Variants in HIVEP1 observed in about 807,000 individuals in gnomAD.
The protein encoded by HIVEP1 is zinc finger protein 40.
A neutral mutation model predicts 180.0 loss-of-function variants in HIVEP1; 36 were observed. The observed-to-expected ratio is 0.20, with a 90% CI of 0.15 to 0.26. The LOEUF is 0.26. Ranked by LOEUF, HIVEP1 falls within the 10% of genes least tolerant of loss-of-function variation. The pLI is 1.00. For missense variants in HIVEP1, 3,143 were observed against 3,268.7 expected (o/e 0.96, Z 0.94); for synonymous variants, 1,239 against 1,239.0 (o/e 1.00, Z 0.00).
At position 12,121,349 on chromosome 6, in the gene HIVEP1, A is replaced by G. The variant is rs1757640519; in HGVS notation, c.1554A>G (p.Ile518Met). 3 of 1,614,140 alleles carry G rather than the reference A, an allele frequency of 1.9e-6. No individual in the cohort carries two copies. The African/African-American group carries it at 4.0e-5, about 22-fold the overall frequency. The change falls in exon 4 of 9, where the codon ATA (isoleucine) becomes ATG (methionine). Residue 518 changes from isoleucine (I) to methionine (M), a missense_variant. By Grantham distance (10) the Ile-to-Met change is conservative (BLOSUM62 1). Transcript: ENST00000379388. This position sits in a 1 kb window ranked among gnomAD's most constrained non-coding sequence, Gnocchi z 5.3. The part of the protein sequence containing the change: ...LGAMELQPVH[I>M]IKRMSNAETL... ...CCATGGAGCTGCAGCCTGTGCACAT[A>G]ATAAAGAGGATGTCAAATGCTGAAA...
At chr6:12,180,958 A>C in the HIVEP1 span, among the ~76,000 whole-genome samples, 1 of 152,362 alleles carries the variant, frequency 6.6e-6, no homozygotes, top group East Asian at 1.9e-4. Context: ...CAGTTTGGTC[A>C]GTTTCATAGG....
the HIVEP1 span, among the ~76,000 whole-genome samples, chr6:12,179,214 C>A: frequency 6.6e-6 from 1 of 151,954 alleles, no homozygotes; most frequent in African/African-American, 2.4e-5. Context: ...TGTTTTCTAC[C>A]CGAGTTGGGA....
intron 2 of HIVEP1, among the ~76,000 whole-genome samples, chr6:12,065,615 C>T (rs1297762725): frequency 1.3e-5 from 2 of 152,154 alleles, no homozygotes; most frequent in East Asian, 3.9e-4. Flanking sequence ...CTGTGTGCCA[C>T]TGTTTGCTCC....
At chr6:12,070,115 T>C (rs1178743708) in intron 2 of HIVEP1, among the ~76,000 whole-genome samples, 1 of 152,160 alleles carries the variant, frequency 6.6e-6, no homozygotes, top group African/African-American at 2.4e-5. Context: ...TCTTCTGGAA[T>C]CCCTCCTGAA....
At chr6:12,069,577 TG>T (rs1200842390) in intron 2 of HIVEP1, among the ~76,000 whole-genome samples, 3 of 75,762 alleles carry the variant, frequency 4.0e-5, no homozygotes, top group East Asian at 4.5e-4. Context: ...TGTTCTGGGG[TG>T]GGGGGAGGGG....
chr6:12,112,298 C>T (rs912213731), intron 3 of HIVEP1, among the ~76,000 whole-genome samples: 5 of 152,038 alleles, frequency 3.3e-5, no homozygotes, highest in Admixed American at 1.3e-4. Flanking sequence ...TTTTTCTACC[C>T]TCTGGCTGCT....
At chr6:12,195,410 G>T in the HIVEP1 span, among the ~76,000 whole-genome samples, 1 of 152,196 alleles carries the variant, frequency 6.6e-6, no homozygotes, top group African/African-American at 2.4e-5. Flanking sequence ...TAAGGATTCT[G>T]ACTTGTGTAG....
chr6:12,181,736 A>G, the HIVEP1 span, among the ~76,000 whole-genome samples: 2 of 152,232 alleles, frequency 1.3e-5, no homozygotes, highest in South Asian at 2.1e-4. Context: ...GAAAATGTGA[A>G]TATTATCCTG....
At chr6:12,192,918 T>C in the HIVEP1 span, among the ~76,000 whole-genome samples, 3 of 152,064 alleles carry the variant, frequency 2.0e-5, no homozygotes, top group Non-Finnish European at 2.9e-5. Flanking sequence ...CACACAGTCA[T>C]GTAACTTCAA....
chr6:12,027,541 C>T (rs1417109574), intron 2 of HIVEP1, among the ~76,000 whole-genome samples: 3 of 152,210 alleles, frequency 2.0e-5, no homozygotes, highest in Admixed American at 6.5e-5. Context: ...GTACTGTCTC[C>T]ATCTAGTCAC....
chr6:12,101,510 C>T (rs1403094928), intron 3 of HIVEP1, among the ~76,000 whole-genome samples: 7 of 151,894 alleles, frequency 4.6e-5, no homozygotes, highest in Non-Finnish European at 1.0e-4. Flanking sequence ...ATAAACCTCA[C>T]TGGAATTAAG....
intron 7 of HIVEP1, among the ~76,000 whole-genome samples, chr6:12,142,164 C>T (rs991270118): frequency 1.3e-5 from 2 of 152,172 alleles, no homozygotes; most frequent in Admixed American, 1.3e-4. Context: ...TGTAAAAGAA[C>T]AGAAATCACA....
chr6:12,196,025 T>C, the HIVEP1 span, among the ~76,000 whole-genome samples: 1 of 152,218 alleles, frequency 6.6e-6, no homozygotes, highest in Non-Finnish European at 1.5e-5. Flanking sequence ...ATCTTGCAAC[T>C]AAGGCTAGAT....
At chr6:12,029,631 A>G (rs555960108) in intron 2 of HIVEP1, among the ~76,000 whole-genome samples, 325 of 152,116 alleles carry the variant, frequency 2.1e-3, no homozygotes, top group Non-Finnish European at 3.8e-3. Flanking sequence ...TATAATATGC[A>G]TCTTAAAGTA....
chr6:12,111,398 C>T (rs1774880137), intron 3 of HIVEP1, among the ~76,000 whole-genome samples: 1 of 152,224 alleles, frequency 6.6e-6, no homozygotes, highest in South Asian at 2.1e-4. Context: ...TGACACAGTA[C>T]TTACTGTCTT....
intron 2 of HIVEP1, among the ~76,000 whole-genome samples, chr6:12,073,591 G>A (rs1006965047): frequency 4.6e-5 from 7 of 152,006 alleles, no homozygotes; most frequent in African/African-American, 1.4e-4. Context: ...CACCTCCTTC[G>A]CATCTCAGCC....
intron 7 of HIVEP1, among the ~76,000 whole-genome samples, chr6:12,145,632 A>G (rs1167448883): frequency 6.6e-6 from 1 of 151,918 alleles, no homozygotes; most frequent in Non-Finnish European, 1.5e-5. Flanking sequence ...ATATAAATAT[A>G]TGTAATATAA....
At chr6:12,199,455 A>G in the HIVEP1 span, among the ~76,000 whole-genome samples, 1 of 136,768 alleles carries the variant, frequency 7.3e-6, no homozygotes, top group Admixed American at 8.7e-5. Flanking sequence ...TCCACCTCCC[A>G]GGTTCAGGTG....
chr6:12,201,765 G>A, the HIVEP1 span, among the ~76,000 whole-genome samples: 1 of 152,146 alleles, frequency 6.6e-6, no homozygotes, highest in Non-Finnish European at 1.5e-5. Flanking sequence ...TAGTTGGGGA[G>A]TGAAAAAATA....
Sources: gnomAD v4.1 joint callset for allele counts (sites outside exome capture counted in the v4.1 genomes callset) on GRCh38, gnomAD v4.1.1 for gene constraint, Gnocchi (gnomAD v3.1) non-coding constraint, MANE v1.5 for transcripts, NCBI Gene and HGNC (gene_info 2026-07-23, HGNC 2026-07-21) for gene names.